Variants in CNTN5 observed in about 807,000 individuals in gnomAD.
CNTN5 encodes the protein contactin-5.
CNTN5 carries 77 observed loss-of-function variants against 129.1 expected under a neutral mutation model. That is an observed-to-expected ratio of 0.60 (90% CI 0.50 to 0.72). CNTN5 has a LOEUF of 0.72. Among genes scored for constraint, CNTN5 ranks in the 30% least tolerant of loss-of-function variants. The pLI, the probability that CNTN5 is intolerant of heterozygous loss-of-function variation, is 0.00. For missense variants in CNTN5, 1,478 were observed against 1,328.8 expected, an observed-to-expected ratio of 1.11 and a Z score of -1.75; for synonymous variants, 509 against 465.6, an observed-to-expected ratio of 1.09 and a Z score of -1.20.
intron 3 of CNTN5, among the ~76,000 whole-genome samples, chr11:99,585,874 T>C (rs1436098281): frequency 6.6e-6 from 1 of 152,154 alleles, no homozygotes; most frequent in Non-Finnish European, 1.5e-5. Flanking sequence ...AATTACTGAA[T>C]TTAAAATTTC....
intron 6 of CNTN5, among the ~76,000 whole-genome samples, chr11:99,880,303 G>A (rs1361447270): frequency 1.3e-5 from 2 of 152,076 alleles, no homozygotes; most frequent in African/African-American, 4.8e-5. Context: ...AGTGGTACAT[G>A]GCTAACAGTT....
intron 10 of CNTN5, among the ~76,000 whole-genome samples, chr11:100,063,780 A>G (rs1943582789): frequency 6.6e-6 from 1 of 151,906 alleles, no homozygotes; most frequent in African/African-American, 2.4e-5. Context: ...CCAAATACTC[A>G]GAAGCCTGAG....
chr11:99,293,096 C>T (rs1307481803), intron 1 of CNTN5, among the ~76,000 whole-genome samples: 1 of 129,426 alleles, frequency 7.7e-6, no homozygotes, highest in African/African-American at 3.0e-5. Flanking sequence ...GAGATATGTG[C>T]CTTATATACC....
At chr11:99,978,694 T>A (rs1416018710) in intron 8 of CNTN5, among the ~76,000 whole-genome samples, 1 of 152,310 alleles carries the variant, frequency 6.6e-6, no homozygotes, top group South Asian at 2.1e-4. Flanking sequence ...TCTAGGTTTT[T>A]GTAAGTGCCC....
intron 13 of CNTN5, among the ~76,000 whole-genome samples, chr11:100,118,874 C>A (rs568760041): frequency 1.6e-4 from 24 of 151,592 alleles, no homozygotes; most frequent in Non-Finnish European, 3.1e-4. Context: ...AACTAAAAAG[C>A]ATTATTCACA....
chr11:99,373,711 C>A (rs7111551), intron 2 of CNTN5, among the ~76,000 whole-genome samples: 305 of 95,886 alleles, frequency 3.2e-3, no homozygotes, highest in East Asian at 0.014. Context: ...AACTCCGTCT[C>A]AAAAAAAAAA....
At chr11:99,330,969 CACACACACAT>C (rs1391412837) in intron 2 of CNTN5, among the ~76,000 whole-genome samples, 1 of 151,916 alleles carries the variant, frequency 6.6e-6, no homozygotes, top group Admixed American at 6.6e-5. Context: ...CATTCAGACA[CACACACACAT>C]ACACACACAA....
At chr11:100,074,506 A>G (rs1944050499) in intron 13 of CNTN5, 2 of 449,694 alleles carry the variant, frequency 4.4e-6, no homozygotes, top group Non-Finnish European at 7.8e-6. Context: ...GGGTTTTAGC[A>G]TAAGTTGGAT....
chr11:100,103,480 G>A (rs936469376), intron 13 of CNTN5, among the ~76,000 whole-genome samples: 2 of 152,112 alleles, frequency 1.3e-5, no homozygotes, highest in Non-Finnish European at 1.5e-5. Flanking sequence ...AAAACCAGGG[G>A]GAAAGAGCAT....
intron 9 of CNTN5, among the ~76,000 whole-genome samples, chr11:100,039,938 T>C (rs1227909656): frequency 6.6e-6 from 1 of 152,156 alleles, no homozygotes; most frequent in Non-Finnish European, 1.5e-5. Flanking sequence ...CTCGGAGTAG[T>C]TTGATTGTCT....
chr11:99,205,946 A>C (rs905854454), intron 1 of CNTN5, among the ~76,000 whole-genome samples: 1 of 152,264 alleles, frequency 6.6e-6, no homozygotes, highest in African/African-American at 2.4e-5. Flanking sequence ...GTGATAGACT[A>C]TATGACTTGA....
At chr11:99,082,376 G>A (rs1484221397) in intron 1 of CNTN5, among the ~76,000 whole-genome samples, 2 of 152,034 alleles carry the variant, frequency 1.3e-5, no homozygotes, top group Non-Finnish European at 2.9e-5. Context: ...GTAGAGACGG[G>A]GTTTCACCAT....
At chr11:99,632,712 G>T (rs575019585) in intron 3 of CNTN5, among the ~76,000 whole-genome samples, 3 of 152,280 alleles carry the variant, frequency 2.0e-5, no homozygotes, top group African/African-American at 7.2e-5. Flanking sequence ...AAATGGTATA[G>T]ATCCAGTAAT....
rs142049096 is a variant in CNTN5 at position 99,335,875 on chromosome 11, C to T, written c.-71+10391C>T. 7.8e-4 allele frequency among the ~76,000 whole-genome samples: 119 copies of T among 152,134 alleles called. 1 individual carries two copies. Among genetic ancestry groups the T allele is most frequent in the African/African-American group, 2.7e-3 (112 of 41,510 alleles). Reference sequence around the variant, plus strand: ...CGAGATGAGACAATGAGTACAGGAACAGTCCTCTATGCCTGCAGGTGGACT... The same window carrying T: ...CGAGATGAGACAATGAGTACAGGAATAGTCCTCTATGCCTGCAGGTGGACT... On this transcript the variant is annotated intron_variant, in intron 2 of 24. Coordinates refer to ENST00000524871, the MANE Select transcript of CNTN5 (RefSeq NM_014361.4).
chr11:99,585,317 G>A (rs1360137926), intron 3 of CNTN5, among the ~76,000 whole-genome samples: 1 of 152,116 alleles, frequency 6.6e-6, no homozygotes, highest in East Asian at 1.9e-4. Context: ...GACTACATAT[G>A]TGTGAGAGCA....
At chr11:99,992,157 A>C (rs1939145266) in intron 8 of CNTN5, among the ~76,000 whole-genome samples, 1 of 152,236 alleles carries the variant, frequency 6.6e-6, no homozygotes, top group African/African-American at 2.4e-5. Flanking sequence ...CCAACTCATT[A>C]GTCCAGCCAA....
At chr11:99,248,364 C>T (rs917799134) in intron 1 of CNTN5, among the ~76,000 whole-genome samples, 10 of 151,954 alleles carry the variant, frequency 6.6e-5, no homozygotes, top group African/African-American at 2.4e-4. Context: ...GGATATTAGC[C>T]CTTTGTCAGA....
chr11:99,257,769 G>C (rs1301359149), intron 1 of CNTN5, among the ~76,000 whole-genome samples: 1 of 151,976 alleles, frequency 6.6e-6, no homozygotes, highest in Non-Finnish European at 1.5e-5. Flanking sequence ...AGCTTTAAGA[G>C]AAATGTAAGA....
At chr11:99,342,598 AAAAAG>A (rs1565505810) in intron 2 of CNTN5, among the ~76,000 whole-genome samples, 1 of 128,570 alleles carries the variant, frequency 7.8e-6, no homozygotes, top group Non-Finnish European at 1.7e-5. Flanking sequence ...AAAAAAAAAA[AAAAAG>A]CAGGGCGTGG....
Sources: gnomAD v4.1 joint callset for allele counts (sites outside exome capture counted in the v4.1 genomes callset) on GRCh38, gnomAD v4.1.1 for gene constraint, MANE v1.5 for transcripts, NCBI Gene and HGNC (gene_info 2026-07-23, HGNC 2026-07-21) for gene names.